SUCLG1: variants seen among roughly 807,000 people sequenced by gnomAD.
The protein encoded by SUCLG1 is succinate--CoA ligase [ADP/GDP-forming] subunit alpha, mitochondrial.
In SUCLG1, 26 loss-of-function variants were observed where a neutral mutation model predicts 37.3. The observed-to-expected ratio is 0.70, with a 90% CI of 0.51 to 0.97. The LOEUF is 0.97. SUCLG1 is among the 50% of genes least tolerant of loss of function. SUCLG1 has a pLI of 0.00. For missense variants in SUCLG1, 433 were observed against 432.9 expected (o/e 1.00, Z 0.00); for synonymous variants, 163 against 155.6 (o/e 1.05, Z -0.36).
At position 84,449,712 on chromosome 2, in the gene SUCLG1, A is replaced by G; in HGVS notation, c.138T>C (p.Ser46=). 1 of 1,590,038 alleles carries G rather than the reference A, an allele frequency of 6.3e-7. No individual in the cohort carries two copies. Among genetic ancestry groups the G allele is most frequent in the Non-Finnish European group, 8.6e-7 (1 of 1,168,340 alleles). ...TTTTATCAACATAGAGATGTTGCCG[A>G]GAAGCTGTGTAGGAACAATGCCGAA... ...NGIRHCSYTA[S]RQHLYVDKNT... is the part of the protein sequence containing the mutation. The change falls in exon 2 of 9, where the codon TCT becomes TCC. Residue 46 remains serine (S), a synonymous_variant. Transcript: ENST00000393868.
chr2:84,442,712 T>C (rs1573370782), intron 3 of SUCLG1, among the ~76,000 whole-genome samples: 1 of 152,202 alleles, frequency 6.6e-6, no homozygotes. Flanking sequence ...AATCAGCAGT[T>C]TGCGGAGAAT....
intron 1 of SUCLG1, among the ~76,000 whole-genome samples, chr2:84,458,074 G>A (rs1673054891): frequency 6.6e-6 from 1 of 151,514 alleles, no homozygotes; most frequent in African/African-American, 2.4e-5. Context: ...AACTAACTTT[G>A]AGTGTTTGTT....
chr2:84,447,076 A>G (rs1255032172), intron 2 of SUCLG1, among the ~76,000 whole-genome samples: 1 of 152,256 alleles, frequency 6.6e-6, no homozygotes, highest in Non-Finnish European at 1.5e-5. Context: ...ACCCAGTAAA[A>G]GAAACAAGAT....
At chr2:84,440,313 G>C (rs923334245) in intron 5 of SUCLG1, among the ~76,000 whole-genome samples, 3 of 152,096 alleles carry the variant, frequency 2.0e-5, no homozygotes, top group Non-Finnish European at 4.4e-5. Flanking sequence ...GCGGAGGTGG[G>C]GGTAAGCCGA....
intron 2 of SUCLG1, among the ~76,000 whole-genome samples, chr2:84,445,934 G>A (rs72830151): frequency 0.035 from 5,322 of 152,284 alleles, 141 homozygotes; most frequent in Non-Finnish European, 0.052. Context: ...TTTACAAGCT[G>A]TCTCCCCACA....
At chr2:84,452,186 A>T (rs531691406) in intron 1 of SUCLG1, among the ~76,000 whole-genome samples, 14 of 151,538 alleles carry the variant, frequency 9.2e-5, no homozygotes, top group East Asian at 5.8e-4. Context: ...ACTATAATAA[A>T]AAAAAAAAAA....
chr2:84,438,059 G>T (rs1005486488), intron 5 of SUCLG1, among the ~76,000 whole-genome samples: 1 of 152,202 alleles, frequency 6.6e-6, no homozygotes, highest in African/African-American at 2.4e-5. Flanking sequence ...AACTGAGAAG[G>T]GGGTGGAAGC....
chr2:84,449,514 G>T, intron 2 of SUCLG1, 135 bp downstream of exon 2: 1 of 617,262 alleles, frequency 1.6e-6, no homozygotes, highest in Non-Finnish European at 2.8e-6. Context: ...CTCCTCCTGA[G>T]ATACAACCCC....
chr2:84,433,645 GA>G (rs1414868063), intron 5 of SUCLG1: 2 of 581,526 alleles, frequency 3.4e-6, no homozygotes, highest in Non-Finnish European at 6.1e-6. Context: ...AGACAAAGGA[GA>G]AAGTATATTA....
At chr2:84,425,376 C>G in intron 8 of SUCLG1, 39 bp downstream of exon 8, 1 of 1,613,178 alleles carries the variant, frequency 6.2e-7, no homozygotes, top group Non-Finnish European at 8.5e-7. Flanking sequence ...CAGAGAAAGC[C>G]TGCAACCTCA....
chr2:84,445,624 C>T (rs1400222622), intron 2 of SUCLG1, among the ~76,000 whole-genome samples: 1 of 152,152 alleles, frequency 6.6e-6, no homozygotes, highest in East Asian at 1.9e-4. Context: ...ATACTGAAGC[C>T]ATCCTTGATT....
intron 1 of SUCLG1, among the ~76,000 whole-genome samples, chr2:84,454,010 A>G (rs978674850): frequency 2.0e-5 from 3 of 152,212 alleles, no homozygotes; most frequent in African/African-American, 7.2e-5. Context: ...TAGAAGTGGA[A>G]TAACAGCTGC....
chr2:84,447,549 G>A (rs1262642478), intron 2 of SUCLG1, among the ~76,000 whole-genome samples: 3 of 152,014 alleles, frequency 2.0e-5, no homozygotes, highest in Non-Finnish European at 4.4e-5. Context: ...TTTATGTGGA[G>A]AATTTGGGTT....
At chr2:84,446,216 T>C (rs188353611) in intron 2 of SUCLG1, among the ~76,000 whole-genome samples, 3 of 152,350 alleles carry the variant, frequency 2.0e-5, no homozygotes, top group Admixed American at 6.5e-5. Flanking sequence ...ATTTCTTCCA[T>C]AGCAATTATA....
intron 1 of SUCLG1, among the ~76,000 whole-genome samples, chr2:84,456,290 C>T (rs4832080): frequency 0.97 from 146,976 of 152,274 alleles, 70,978 homozygotes; most frequent in East Asian, 1. Flanking sequence ...TACATGCTGG[C>T]GGAAAGGATA....
chr2:84,434,760 C>T (rs886643274), intron 5 of SUCLG1, among the ~76,000 whole-genome samples: 3 of 152,116 alleles, frequency 2.0e-5, no homozygotes, highest in Admixed American at 6.5e-5. Flanking sequence ...CCTCAACTTC[C>T]GTGCTACATG....
Position 84,441,274 on chromosome 2 carries a change from A to G in SUCLG1, c.504T>C (p.Ile168=), listed in dbSNP as rs1350634873. Residue 168 remains isoleucine, a synonymous_variant, in exon 4 of 9, where the codon ATT becomes ATC. Transcript: ENST00000393868. The part of the protein sequence containing the change: ...KLLRQEKTRL[I]GPNCPGVINP... ...TGATGACTCCAGGGCAGTTGGGCCC[A>G]ATTAGCCTTGTCTTTTCCTGGCGCA... is the stretch of plus-strand genomic sequence containing the variant. The G allele has an allele frequency of 6.2e-7, 1 of 1,614,094 alleles. No homozygotes were observed. The highest frequency in any genetic ancestry group is 1.7e-5 in the Admixed American group (1 of 60,024).
At chr2:84,435,083 C>G (rs2104247127) in intron 5 of SUCLG1, among the ~76,000 whole-genome samples, 1 of 152,316 alleles carries the variant, frequency 6.6e-6, no homozygotes, top group Non-Finnish European at 1.5e-5. Flanking sequence ...AGAGTCCCAG[C>G]TTCCCTCTCC....
intron 1 of SUCLG1, among the ~76,000 whole-genome samples, chr2:84,450,814 A>G (rs1672928884): frequency 6.6e-6 from 1 of 152,208 alleles, no homozygotes; most frequent in Admixed American, 6.5e-5. Flanking sequence ...TAACTGAAAG[A>G]GCAACAACAT....
Sources: gnomAD v4.1 joint callset for allele counts (sites outside exome capture counted in the v4.1 genomes callset) on GRCh38, gnomAD v4.1.1 for gene constraint, MANE v1.5 for transcripts, NCBI Gene and HGNC (gene_info 2026-07-23, HGNC 2026-07-21) for gene names.